MGLL: variants seen among roughly 807,000 people sequenced by gnomAD.
The protein encoded by MGLL is lysophospholipase homolog.
In MGLL, 7 loss-of-function variants were observed where a neutral mutation model predicts 29.1. The ratio of observed to expected loss-of-function variants is 0.24; its 90% CI spans 0.14 to 0.45. The LOEUF (loss-of-function observed/expected upper bound fraction) is 0.45. MGLL is among the 20% of genes least tolerant of loss of function. MGLL has a pLI of 0.99. For missense variants in MGLL, 356 were observed against 413.6 expected, an observed-to-expected ratio of 0.86 and a Z score of 1.21; for synonymous variants, 148 against 168.3, an observed-to-expected ratio of 0.88 and a Z score of 0.93.
At chr3:127,813,308 C>G (rs1576321276) in intron 2 of MGLL, among the ~76,000 whole-genome samples, 1 of 152,172 alleles carries the variant, frequency 6.6e-6, no homozygotes, top group African/African-American at 2.4e-5. Flanking sequence ...CTCCTCCCAC[C>G]TATCTCCTGG....
chr3:127,739,472 C>T (rs1388448225), intron 3 of MGLL, among the ~76,000 whole-genome samples: 1 of 152,210 alleles, frequency 6.6e-6, no homozygotes, highest in East Asian at 1.9e-4. Context: ...CTTTCAATAA[C>T]TTGCCAACGT....
At chr3:127,744,147 T>C (rs964379878) in intron 3 of MGLL, among the ~76,000 whole-genome samples, 6 of 152,200 alleles carry the variant, frequency 3.9e-5, no homozygotes, top group Admixed American at 2.6e-4. Flanking sequence ...TGTTACTACA[T>C]GCTTTATAAT....
At chr3:127,718,766 G>C (rs1477268079) in intron 5 of MGLL, among the ~76,000 whole-genome samples, 1 of 152,188 alleles carries the variant, frequency 6.6e-6, no homozygotes, top group Admixed American at 6.5e-5. Flanking sequence ...CCAACCGGGA[G>C]AGAGACTCTC....
chr3:127,780,628 C>T lies in MGLL; in HGVS notation c.262+1161G>A, dbSNP rs144007786. ...TGTATATCCAGCTGAATAAGAGCCC[C>T]TGGCAAATCACATTTGCAGCTCTTT... On this transcript the variant is annotated intron_variant, in intron 3 of 7. Transcript: ENST00000265052. Among the ~76,000 whole-genome samples, 526 of 152,354 alleles carry T rather than the reference C, an allele frequency of 3.5e-3. 5 individuals are homozygous for T. Among genetic ancestry groups the T allele is most frequent in the African/African-American group, 0.012 (510 of 41,574 alleles).
chr3:127,695,184 T>C lies in MGLL; in HGVS notation c.607A>G (p.Ile203Val). ...CAGATCAGGGGGTCTGAGTTATAAA[T>C]GTCGACCTGGAGGAAGAAGGAGAGG... is the stretch of plus-strand genomic sequence containing the variant. ...VLSRNKTEVD[I>V]YNSDPLICRA... is the part of the protein sequence containing the mutation. Residue 203 changes from isoleucine to valine, a missense_variant, in exon 7 of 8, where the codon ATT (isoleucine) becomes GTT (valine). Coordinates refer to ENST00000265052, the MANE Select transcript of MGLL (RefSeq NM_007283.7). 1 of 1,613,766 alleles carries C rather than the reference T, an allele frequency of 6.2e-7. No homozygotes were observed. Among genetic ancestry groups the C allele is most frequent in the Non-Finnish European group, 8.5e-7 (1 of 1,179,828 alleles).
chr3:127,747,788 C>T (rs140853200), intron 3 of MGLL, among the ~76,000 whole-genome samples: 14 of 152,288 alleles, frequency 9.2e-5, no homozygotes, highest in East Asian at 3.9e-4. Context: ...TCCAAGGTGA[C>T]GCCCAGAAAC....
intron 2 of MGLL, among the ~76,000 whole-genome samples, chr3:127,816,324 G>T (rs1003417455): frequency 6.6e-6 from 1 of 152,162 alleles, no homozygotes; most frequent in Non-Finnish European, 1.5e-5. Flanking sequence ...AGCAGGGGGT[G>T]GGGGAAAGAA....
rs549117024 is a variant in MGLL, at chr3:127,694,229, C to T, written c.816+746G>A. On this transcript the variant is annotated intron_variant, in intron 7 of 7. Transcript: ENST00000265052. ...AGGTTGCTGTGAGCCGAGATGGCGCCGCTGCACTCCAGCCTGGGTGACAGA... is the reference window on the plus strand; with the variant it reads ...AGGTTGCTGTGAGCCGAGATGGCGCTGCTGCACTCCAGCCTGGGTGACAGA... 8.3e-5 allele frequency among the ~76,000 whole-genome samples: 12 copies of T among 144,350 alleles called. No homozygotes were observed. In the East Asian group the frequency reaches 1.4e-3, roughly 17 times the overall value. The allele number at this position is 144,350 out of a possible 152,430, so 94.7% of individuals were successfully genotyped here.
chr3:127,765,466 G>A (rs1384283615), intron 3 of MGLL, among the ~76,000 whole-genome samples: 1 of 152,190 alleles, frequency 6.6e-6, no homozygotes, highest in Non-Finnish European at 1.5e-5. Flanking sequence ...TGTCCATTTG[G>A]CTTCCAAAGC....
At chr3:127,793,716 C>T (rs1366248891) in intron 2 of MGLL, among the ~76,000 whole-genome samples, 1 of 152,152 alleles carries the variant, frequency 6.6e-6, no homozygotes, top group African/African-American at 2.4e-5. Context: ...TGCCTGCCAC[C>T]ACGCCCAGCT....
In MGLL at chr3:127,690,609, G is replaced by C. The variant is rs2075224787; in HGVS notation, c.*1589C>G. 2 of 152,784 alleles carry C rather than the reference G, an allele frequency of 1.3e-5. No homozygotes were observed. Among genetic ancestry groups the C allele is most frequent in the Non-Finnish European group, 2.9e-5 (2 of 68,122 alleles). The allele number at this position is 152,784 out of a possible 1,614,324, so 9.5% of individuals were successfully genotyped here. ...AGACTTCATGTTGGGGGTCCTGGTG[G>C]GAAGTGGCCTCTCCTCTGTGGCCCC... On this transcript the variant is annotated 3_prime_UTR_variant, in exon 8 of 8. Transcript: ENST00000265052.
intron 3 of MGLL, among the ~76,000 whole-genome samples, chr3:127,775,150 G>A (rs541945920): frequency 6.6e-6 from 1 of 152,188 alleles, no homozygotes; most frequent in East Asian, 1.9e-4. Context: ...AGAGACTATG[G>A]GGGTCTCAGG....
chr3:127,746,328 C>T (rs902453930), intron 3 of MGLL, among the ~76,000 whole-genome samples: 1 of 152,172 alleles, frequency 6.6e-6, no homozygotes, highest in African/African-American at 2.4e-5. Context: ...GGCTCCTGGG[C>T]AGGTGGCAGT....
At chr3:127,793,321 C>T (rs2077331779) in intron 2 of MGLL, among the ~76,000 whole-genome samples, 1 of 152,186 alleles carries the variant, frequency 6.6e-6, no homozygotes, top group Non-Finnish European at 1.5e-5. Context: ...TAAAAATCCC[C>T]AATTGGCATA....
intron 3 of MGLL, among the ~76,000 whole-genome samples, chr3:127,726,194 G>GAAAGAAAGAAAGA (rs1559926436): frequency 2.5e-4 from 19 of 75,084 alleles, no homozygotes; most frequent in Non-Finnish European, 3.4e-4. Context: ...GAAAAGAAAA[G>GAAAGAAAGAAAGA]AAAGAAAGAA....
intron 6 of MGLL, among the ~76,000 whole-genome samples, chr3:127,701,911 A>G (rs1666566173): frequency 6.6e-6 from 1 of 152,090 alleles, no homozygotes; most frequent in Admixed American, 6.5e-5. Flanking sequence ...AGGTGCCCAG[A>G]CACCCTCGCC....
At chr3:127,796,526 A>G (rs1250823093) in intron 2 of MGLL, among the ~76,000 whole-genome samples, 1 of 152,236 alleles carries the variant, frequency 6.6e-6, no homozygotes, top group African/African-American at 2.4e-5. Flanking sequence ...TTAAGTATCC[A>G]GTAGATGAGA....
chr3:127,775,149 G>A (rs1162672021), intron 3 of MGLL, among the ~76,000 whole-genome samples: 1 of 152,090 alleles, frequency 6.6e-6, no homozygotes, highest in East Asian at 1.9e-4. Flanking sequence ...CAGAGACTAT[G>A]GGGGTCTCAG....
intron 3 of MGLL, among the ~76,000 whole-genome samples, chr3:127,726,176 G>GA (rs1457161079): frequency 8.5e-5 from 4 of 47,156 alleles, no homozygotes; most frequent in Admixed American, 4.4e-4. Context: ...AAGAAAGAAA[G>GA]AAAGAAAGAA....
Sources: allele counts gnomAD v4.1 joint callset (sites outside exome capture counted in the v4.1 genomes callset), GRCh38; gene constraint gnomAD v4.1.1; transcripts MANE v1.5; gene names NCBI Gene and HGNC (gene_info 2026-07-23, HGNC 2026-07-21).